The following AGO1 variants were observed in gnomAD, a reference collection of about 807,000 sequenced individuals.
AGO1 encodes the protein argonaute RISC component 1.
Under a neutral mutation model 109.2 loss-of-function variants are expected in AGO1, and 11 were observed. The ratio of observed to expected loss-of-function variants is 0.10; its 90% CI spans 0.06 to 0.17. The LOEUF is 0.17. Ranked by LOEUF, AGO1 falls within the 10% of genes least tolerant of loss-of-function variation. AGO1 has a pLI of 1.00. For synonymous variants in AGO1, 422 were observed against 418.6 expected (o/e 1.01, Z -0.10); for missense variants, 574 against 1,140.3 (o/e 0.50, Z 7.15).
At chr1:35,871,194 T>A (rs533795408) in intron 1 of AGO1, among the ~76,000 whole-genome samples, 1 of 152,248 alleles carries the variant, frequency 6.6e-6, no homozygotes, top group South Asian at 2.1e-4. Context: ...CCTTAACTTT[T>A]GCCTGATTTA....
intron 11 of AGO1, among the ~76,000 whole-genome samples, chr1:35,904,624 T>C (rs1645485772): frequency 6.6e-6 from 1 of 152,202 alleles, no homozygotes; most frequent in Non-Finnish European, 1.5e-5. Flanking sequence ...AACTCAAACT[T>C]GGAAGAGTTT....
Position 35,919,088 on chromosome 1 carries a change from T to C in AGO1, c.2299T>C (p.Trp767Arg). The C allele has an allele frequency of 6.2e-7, 1 of 1,614,210 alleles. No homozygotes were observed. Among genetic ancestry groups the C allele is most frequent in the Non-Finnish European group, 8.5e-7 (1 of 1,180,042 alleles). The change falls in exon 18 of 19, where the codon TGG becomes CGG. Residue 767 changes from tryptophan to arginine, a missense_variant. Trp to Arg is a moderately radical substitution (Grantham distance 101, BLOSUM62 -3). Coordinates refer to ENST00000373204, the MANE Select transcript of AGO1 (RefSeq NM_012199.5). This position sits in a 1 kb window ranked among gnomAD's most constrained non-coding sequence, Gnocchi z 6.6. ...CCGACCATCCCATTACTATGTTCTT[T>C]GGGATGACAACCGTTTCACAGCAGA... ...TSRPSHYYVL[W>R]DDNRFTADEL...
At position 35,919,391 on chromosome 1, in the gene AGO1, G is replaced by T. The variant is rs374667883; in HGVS notation, c.2466-108G>T. On this transcript the variant is annotated intron_variant, in intron 18 of 18. Coordinates refer to ENST00000373204, the MANE Select transcript of AGO1 (RefSeq NM_012199.5). This position sits in a 1 kb window ranked among gnomAD's most constrained non-coding sequence, Gnocchi z 6.6. ...GCTCGTCTGCCCAATCCTGGGTTGGGTTTCTCTCTTAAGTTGGTATGGGAA... is the reference window on the plus strand; with the variant it reads ...GCTCGTCTGCCCAATCCTGGGTTGGTTTTCTCTCTTAAGTTGGTATGGGAA... The T allele has an allele frequency of 6.8e-7, 1 of 1,466,418 alleles. No homozygotes were observed. 90.8% of individuals were successfully genotyped at this position (1,466,418 alleles called of 1,614,324 possible).
upstream of AGO1, among the ~76,000 whole-genome samples, chr1:35,881,678 C>T (rs1194328150): frequency 6.6e-6 from 1 of 152,202 alleles, no homozygotes; most frequent in South Asian, 2.1e-4. Context: ...TGTTTGAGAA[C>T]CTCTAGAAGC....
chr1:35,895,966 C>G (rs1406499756), intron 8 of AGO1, among the ~76,000 whole-genome samples: 1 of 152,122 alleles, frequency 6.6e-6, no homozygotes, highest in Non-Finnish European at 1.5e-5. Flanking sequence ...GCTTAAAATG[C>G]AGATTTCAGA....
intron 12 of AGO1, among the ~76,000 whole-genome samples, chr1:35,911,546 T>C (rs554864495): frequency 6.6e-6 from 1 of 152,306 alleles, no homozygotes; most frequent in East Asian, 1.9e-4. Flanking sequence ...TCTTGTTTTC[T>C]TAGCATTCTC....
intron 8 of AGO1, among the ~76,000 whole-genome samples, chr1:35,900,368 T>C (rs950173826): frequency 3.3e-5 from 5 of 152,280 alleles, no homozygotes; most frequent in Non-Finnish European, 5.9e-5. Flanking sequence ...TCCAGAACTA[T>C]ACTCAGTCCT....
Position 35,888,298 on chromosome 1 carries a change from G to T in AGO1, c.26-129G>T. On this transcript the variant is annotated intron_variant, in intron 1 of 18. Coordinates refer to ENST00000373204, the MANE Select transcript of AGO1 (RefSeq NM_012199.5). The surrounding 1 kb of genome is among the most constrained non-coding windows in gnomAD (Gnocchi z 4.1). ...GATGTCCCCTGGAAGCCCTTGGCTG[G>T]GTTGGGTAGCAGGAAAGAGGCATTC... The T allele has an allele frequency of 1.1e-6, 1 of 892,918 alleles. No homozygotes were observed. Among genetic ancestry groups the T allele is most frequent in the Non-Finnish European group, 1.7e-6 (1 of 590,110 alleles). The allele number at this position is 892,918 out of a possible 1,614,324, so 55.3% of individuals were successfully genotyped here.
At chr1:35,918,804 C>A (rs1327828157) in intron 17 of AGO1, among the ~76,000 whole-genome samples, 9 of 152,236 alleles carry the variant, frequency 5.9e-5, no homozygotes, top group Admixed American at 5.9e-4. Flanking sequence ...GATCCACCCA[C>A]CTTGGCCTCC....
At chr1:35,891,309 T>G (rs1343400379) in intron 2 of AGO1, among the ~76,000 whole-genome samples, 2 of 152,162 alleles carry the variant, frequency 1.3e-5, no homozygotes. Flanking sequence ...GAAGGAATAA[T>G]GGACACCCTG....
rs1645842520 is a variant in AGO1 at position 35,922,029 on chromosome 1, G to C, written c.*2422G>C. 1 of 152,678 alleles carries C rather than the reference G, an allele frequency of 6.5e-6. No individual in the cohort carries two copies. Among genetic ancestry groups the C allele is most frequent in the East Asian group, 1.9e-4 (1 of 5,196 alleles). The allele number at this position is 152,678 out of a possible 1,614,324, so 9.5% of individuals were successfully genotyped here. ...CATGTTCTCCACTTGGATACATTTT[G>C]GGGCTAGGATCAGGGCACTATTCCT... On this transcript the variant is annotated 3_prime_UTR_variant, in exon 19 of 19. Transcript: ENST00000373204.
Position 35,919,446 on chromosome 1 carries a change from A to G in AGO1, c.2466-53A>G. 6.5e-7 allele frequency: 1 copy of G among 1,546,588 alleles called. No homozygotes were observed. Among genetic ancestry groups the G allele is most frequent in the Non-Finnish European group, 8.8e-7 (1 of 1,134,732 alleles). ...CATCCCAGGGCTGGGCGAGGGAATT[A>G]GCAGCAGCTCTCAGTTCACCAGGAA... is the stretch of plus-strand genomic sequence containing the variant. On this transcript the variant is annotated intron_variant, in intron 18 of 18. Transcript: ENST00000373204. The surrounding 1 kb of genome is among the most constrained non-coding windows in gnomAD (Gnocchi z 6.6).
chr1:35,894,243 C>G, intron 6 of AGO1, 72 bp downstream of exon 6: 1 of 1,599,044 alleles, frequency 6.3e-7, no homozygotes, highest in Non-Finnish European at 8.5e-7. Context: ...TTGGGGTATG[C>G]TCAGGGGAGA....
At position 35,883,244 on chromosome 1, in the gene AGO1, C is replaced by T; in HGVS notation, c.-178C>T. On this transcript the variant is annotated 5_prime_UTR_variant, in exon 1 of 19. Coordinates refer to ENST00000373204, the MANE Select transcript of AGO1 (RefSeq NM_012199.5). The surrounding 1 kb of genome is among the most constrained non-coding windows in gnomAD (Gnocchi z 5.4). ...GGCCGGGCGCTCGCAGTGGGAGCTG[C>T]TGCAGGCTCCGCGGCGGCGGCAACG... 1 of 1,328,634 alleles carries T rather than the reference C, an allele frequency of 7.5e-7. No individual in the cohort carries two copies. The highest frequency in any genetic ancestry group is 9.6e-7 in the Non-Finnish European group (1 of 1,037,958). The allele number at this position is 1,328,634 out of a possible 1,614,324, so 82.3% of individuals were successfully genotyped here. A position where few individuals can be genotyped will look rare whatever the true frequency, so the allele number is the denominator to read the frequency against.
At chr1:35,909,698 T>C (rs1645598053) in intron 12 of AGO1, among the ~76,000 whole-genome samples, 1 of 152,220 alleles carries the variant, frequency 6.6e-6, no homozygotes, top group East Asian at 1.9e-4. Context: ...TGATACTTTG[T>C]TGTGGAGTGG....
intron 1 of AGO1, among the ~76,000 whole-genome samples, chr1:35,872,094 A>C (rs1373474479): frequency 1.3e-5 from 2 of 151,312 alleles, no homozygotes; most frequent in Non-Finnish European, 2.9e-5. Flanking sequence ...AAAAGACTGA[A>C]GTGTTCTGTT....
intron 8 of AGO1, among the ~76,000 whole-genome samples, chr1:35,896,369 C>G (rs1016352495): frequency 1.2e-4 from 18 of 151,392 alleles, no homozygotes; most frequent in African/African-American, 4.4e-4. Context: ...CTAGACTACC[C>G]TCTTTTTCTT....
At chr1:35,905,849 A>G (rs1645510246) in intron 11 of AGO1, among the ~76,000 whole-genome samples, 1 of 152,218 alleles carries the variant, frequency 6.6e-6, no homozygotes, top group South Asian at 2.1e-4. Context: ...TATATAAATG[A>G]TTTTAAATTT....
intron 1 of AGO1, among the ~76,000 whole-genome samples, chr1:35,870,812 G>T (rs1430968756): frequency 6.6e-6 from 1 of 151,850 alleles, no homozygotes; most frequent in East Asian, 1.9e-4. Flanking sequence ...TTTCTGTATT[G>T]TTTAATATGT....
Sources: gnomAD v4.1 joint callset for allele counts (sites outside exome capture counted in the v4.1 genomes callset) on GRCh38, gnomAD v4.1.1 for gene constraint, Gnocchi (gnomAD v3.1) non-coding constraint, MANE v1.5 for transcripts, NCBI Gene and HGNC (gene_info 2026-07-23, HGNC 2026-07-21) for gene names.